Variants in THSD7B observed in about 807,000 individuals in gnomAD.
THSD7B encodes the protein thrombospondin type-1 domain-containing protein 7B.
Under a neutral mutation model 213.6 loss-of-function variants are expected in THSD7B, and 138 were observed. That is an observed-to-expected ratio of 0.65 (90% confidence interval 0.56 to 0.74). THSD7B has a LOEUF of 0.74. THSD7B is among the 30% of genes least tolerant of loss of function. THSD7B has a pLI of 0.00. For synonymous variants in THSD7B, 742 were observed against 687.0 expected, an observed-to-expected ratio of 1.08 and a Z score of -1.25; for missense variants, 1,931 against 1,991.5, an observed-to-expected ratio of 0.97 and a Z score of 0.58.
At chr2:137,610,875 G>A (rs10188160) in intron 17 of THSD7B, among the ~76,000 whole-genome samples, 3,457 of 151,486 alleles carry the variant, frequency 0.023, 136 homozygotes, top group African/African-American at 0.08. Flanking sequence ...GAAGAAAACC[G>A]TTTCATCTTA....
chr2:136,947,464 G>A (rs185874501), intron 2 of THSD7B, among the ~76,000 whole-genome samples: 12 of 152,142 alleles, frequency 7.9e-5, no homozygotes, highest in Non-Finnish European at 1.0e-4. Context: ...TGCCAGTCAG[G>A]GGTTGAGTTA....
At chr2:137,190,020 C>T (rs776702876) in intron 7 of THSD7B, among the ~76,000 whole-genome samples, 2 of 152,068 alleles carry the variant, frequency 1.3e-5, no homozygotes, top group African/African-American at 2.4e-5. Context: ...CAGAGACTTA[C>T]GTGAGGTCAC....
intron 14 of THSD7B, among the ~76,000 whole-genome samples, chr2:137,418,791 T>C (rs1334527395): frequency 6.6e-6 from 1 of 152,220 alleles, no homozygotes; most frequent in Non-Finnish European, 1.5e-5. Flanking sequence ...GTGATATTTG[T>C]CCTTCTATGC....
intron 3 of THSD7B, among the ~76,000 whole-genome samples, chr2:137,058,618 A>G (rs1233691572): frequency 6.6e-6 from 1 of 152,192 alleles, no homozygotes; most frequent in African/African-American, 2.4e-5. Flanking sequence ...ATAGTTACAT[A>G]CACAAACATT....
chr2:136,998,261 C>CAAAAAAAAAA (rs33931359), intron 2 of THSD7B, among the ~76,000 whole-genome samples: 24 of 98,398 alleles, frequency 2.4e-4, no homozygotes, highest in East Asian at 2.7e-4. Context: ...ACTAAAAGGC[C>CAAAAAAAAAA]AAAAAAAAAA....
chr2:137,134,679 G>A (rs1461992112), intron 5 of THSD7B, among the ~76,000 whole-genome samples: 2 of 152,124 alleles, frequency 1.3e-5, no homozygotes, highest in African/African-American at 4.8e-5. Flanking sequence ...CTCAACTGTG[G>A]GTGAGACACT....
chr2:136,968,451 G>C (rs1176833393), intron 2 of THSD7B, among the ~76,000 whole-genome samples: 2 of 151,944 alleles, frequency 1.3e-5, no homozygotes, highest in African/African-American at 4.8e-5. Context: ...ACCCATTTGA[G>C]TATTTAGGTT....
At chr2:137,016,462 TC>T (rs1369757291) in intron 2 of THSD7B, among the ~76,000 whole-genome samples, 3 of 152,180 alleles carry the variant, frequency 2.0e-5, no homozygotes, top group Non-Finnish European at 2.9e-5. Flanking sequence ...TATTCTTACT[TC>T]CTTAGTAAGT....
At chr2:137,477,922 C>A (rs1224735070) in intron 15 of THSD7B, among the ~76,000 whole-genome samples, 4 of 151,814 alleles carry the variant, frequency 2.6e-5, no homozygotes, top group Non-Finnish European at 4.4e-5. Flanking sequence ...TTCTTTCTTG[C>A]CCTGTAAGGT....
At chr2:137,628,592 G>C (rs992745174) in intron 20 of THSD7B, among the ~76,000 whole-genome samples, 1 of 119,974 alleles carries the variant, frequency 8.3e-6, no homozygotes, top group Non-Finnish European at 2.0e-5. Flanking sequence ...TGAAACAGTT[G>C]GTTGCGCCTC....
At chr2:137,649,449 T>G (rs1217753677) in intron 21 of THSD7B, among the ~76,000 whole-genome samples, 4 of 152,206 alleles carry the variant, frequency 2.6e-5, no homozygotes, top group African/African-American at 9.6e-5. Flanking sequence ...TGATTTGATT[T>G]TCTTGTATGT....
chr2:137,520,744 G>T (rs1484417036), intron 15 of THSD7B, among the ~76,000 whole-genome samples: 1 of 152,174 alleles, frequency 6.6e-6, no homozygotes, highest in Non-Finnish European at 1.5e-5. Flanking sequence ...CACAGTATAT[G>T]CACTAGGAAA....
In THSD7B at chr2:137,310,172, C is replaced by T. The variant is rs1302296156; in HGVS notation, c.2500+34146C>T. Among the ~76,000 whole-genome samples the T allele has an allele frequency of 2.6e-5, 4 of 151,940 alleles. No homozygotes were observed. The East Asian group carries it at 7.7e-4, about 29-fold the overall frequency. On this transcript the variant is annotated intron_variant, in intron 12 of 27. Coordinates refer to ENST00000409968, the MANE Select transcript of THSD7B (RefSeq NM_001316349.2). ...TCCACATCCTCTCCGGCACCTGTTT[C>T]CTGACTTTTTAATGATTGCCATTCT... is the stretch of plus-strand genomic sequence containing the variant.
chr2:137,295,281 A>G (rs1683435867), intron 12 of THSD7B, among the ~76,000 whole-genome samples: 1 of 152,162 alleles, frequency 6.6e-6, no homozygotes, highest in Non-Finnish European at 1.5e-5. Context: ...CACTTTACCT[A>G]GTAGTACAGT....
At chr2:136,883,467 C>G (rs1457879809) in intron 2 of THSD7B, among the ~76,000 whole-genome samples, 2 of 151,100 alleles carry the variant, frequency 1.3e-5, no homozygotes, top group Non-Finnish European at 2.9e-5. Flanking sequence ...TTTTTTCCCT[C>G]AGAGTAGTTT....
chr2:137,067,254 G>C (rs1687399609), intron 3 of THSD7B, among the ~76,000 whole-genome samples: 2 of 152,028 alleles, frequency 1.3e-5, no homozygotes, highest in Middle Eastern at 3.2e-3. Flanking sequence ...GTAATGTTTT[G>C]TTGAAAGCTG....
intron 7 of THSD7B, among the ~76,000 whole-genome samples, chr2:137,178,865 T>C (rs1010789624): frequency 6.6e-6 from 1 of 152,222 alleles, no homozygotes; most frequent in Non-Finnish European, 1.5e-5. Flanking sequence ...TTTTCTCCTT[T>C]AGAAAGGGGC....
At chr2:137,653,139 GT>G (rs1683170271) in intron 21 of THSD7B, among the ~76,000 whole-genome samples, 3 of 152,050 alleles carry the variant, frequency 2.0e-5, no homozygotes, top group African/African-American at 7.2e-5. Flanking sequence ...CTCAGCTTTT[GT>G]TTGTCTGTAA....
chr2:137,514,863 C>T (rs745862605), intron 15 of THSD7B, among the ~76,000 whole-genome samples: 7 of 152,068 alleles, frequency 4.6e-5, no homozygotes, highest in Non-Finnish European at 7.4e-5. Flanking sequence ...TGTGGAGAAC[C>T]AAGGAACATA....
Sources: allele counts gnomAD v4.1 joint callset (sites outside exome capture counted in the v4.1 genomes callset), GRCh38; gene constraint gnomAD v4.1.1; transcripts MANE v1.5; gene names NCBI Gene and HGNC (gene_info 2026-07-23, HGNC 2026-07-21).